Variants in DHX37 observed in about 807,000 individuals in gnomAD.
DHX37 encodes DEAH-box helicase 37.
In DHX37, 52 loss-of-function variants were observed where a neutral mutation model predicts 134.3. The ratio of observed to expected loss-of-function variants is 0.39; its 90% confidence interval spans 0.31 to 0.49. DHX37 has a LOEUF of 0.49. Among genes scored for constraint, DHX37 ranks in the 20% least tolerant of loss-of-function variants. The probability of loss-of-function intolerance (pLI) is 0.93; values close to 1 mark genes in which losing one functional copy is unlikely to be tolerated. For missense variants in DHX37, 1,344 were observed against 1,580.8 expected (o/e 0.85, Z 2.54); for synonymous variants, 634 against 670.7 (o/e 0.95, Z 0.85).
rs1487833808 is a variant in DHX37 at position 124,980,660 on chromosome 12, C to T, written c.568G>A (p.Ala190Thr). 3 of 1,602,194 alleles carry T rather than the reference C, an allele frequency of 1.9e-6. No homozygotes were observed. The highest frequency in any genetic ancestry group is 2.6e-6 in the Non-Finnish European group (3 of 1,176,400). The part of the protein sequence containing the change: ...DEDPAAEPAE[A>T]GVGTTVAPLP... ...GGTGCCACGGTGGTCCCCACACCAGCCTCAGCCGGCTCAGCAGCTGGGTCC... is the reference window on the plus strand; with the variant it reads ...GGTGCCACGGTGGTCCCCACACCAGTCTCAGCCGGCTCAGCAGCTGGGTCC... The change falls in exon 4 of 27, where the codon GCT becomes ACT. Residue 190 changes from alanine to threonine, a missense_variant. Transcript: ENST00000308736. The surrounding 1 kb of genome is among the most constrained non-coding windows in gnomAD (Gnocchi z 5.3).
chr12:124,957,473 G>A (rs529828579), intron 16 of DHX37, among the ~76,000 whole-genome samples: 2 of 152,344 alleles, frequency 1.3e-5, no homozygotes, highest in South Asian at 4.1e-4. Context: ...AGGGGCCACA[G>A]GTAGTCAGTG....
At chr12:124,953,819 T>C (rs557850406) in intron 20 of DHX37, 61 bp downstream of exon 20, 5 of 1,585,126 alleles carry the variant, frequency 3.2e-6, no homozygotes, top group African/African-American at 2.7e-5. Context: ...TTTTTAAACA[T>C]TTCAAGTGCC....
At chr12:124,977,860 G>C (rs1430419687) in intron 4 of DHX37, among the ~76,000 whole-genome samples, 1 of 152,152 alleles carries the variant, frequency 6.6e-6, no homozygotes, top group African/African-American at 2.4e-5. Flanking sequence ...CCTCTCCTAG[G>C]TACATATTCC....
intron 3 of DHX37, among the ~76,000 whole-genome samples, chr12:124,981,902 T>C (rs571012732): frequency 7.3e-5 from 11 of 151,634 alleles, no homozygotes; most frequent in African/African-American, 2.7e-4. Flanking sequence ...GGCGGGCAGA[T>C]CACCCAAGGT....
rs1301456523 is a variant in DHX37, at chr12:124,980,516, G to A, written c.712C>T (p.Pro238Ser). The change falls in exon 4 of 27, where the codon CCC (proline) becomes TCC (serine). Residue 238 changes from proline (P) to serine (S), a missense_variant. By Grantham distance (74) the Pro-to-Ser change is moderately conservative. Around this residue, in one of 7 missense-constraint regions of DHX37, gnomAD observed 77 missense variants for 121.6 expected, o/e 0.63. Coordinates refer to ENST00000308736, the MANE Select transcript of DHX37 (RefSeq NM_032656.4). The surrounding 1 kb of genome is among the most constrained non-coding windows in gnomAD (Gnocchi z 5.3). ...RALAKPAVFI[P>S]VNRSPEMQEE... ...TGCATTTCCGGGGAGCGGTTCACGG[G>A]GATGAAGACGGCGGGCTTAGCCAGG... is the stretch of plus-strand genomic sequence containing the variant. 1.2e-6 allele frequency: 2 copies of A among 1,611,140 alleles called. No homozygotes were observed. Among genetic ancestry groups the A allele is most frequent in the Admixed American group, 1.7e-5 (1 of 59,212 alleles).
chr12:124,971,757 A>G (rs1954527903), intron 7 of DHX37, among the ~76,000 whole-genome samples: 1 of 152,160 alleles, frequency 6.6e-6, no homozygotes, highest in African/African-American at 2.4e-5. Context: ...GGCCCTGCCC[A>G]AGGGGACGTC....
chr12:124,955,401 T>C (rs1218595157), intron 18 of DHX37, among the ~76,000 whole-genome samples: 3 of 152,220 alleles, frequency 2.0e-5, no homozygotes, highest in African/African-American at 7.2e-5. Context: ...TTTCTGTTTC[T>C]CCAGAGAACC....
At chr12:124,947,932 C>T (rs372225823) in intron 26 of DHX37, 45 bp from the exon 27 acceptor site, 1 of 1,611,010 alleles carries the variant, frequency 6.2e-7, no homozygotes, top group African/African-American at 1.3e-5. Context: ...ACCCTGGGCC[C>T]AGGGACTCTC....
At chr12:124,965,581 C>G in intron 13 of DHX37, 87 bp downstream of exon 13, 1 of 1,464,040 alleles carries the variant, frequency 6.8e-7, no homozygotes, top group South Asian at 1.6e-5. Context: ...GCTAGAACCC[C>G]GGCCCCCGGG....
chr12:124,968,634 C>T lies in DHX37; in HGVS notation c.1308G>A (p.Gln436=). The stretch of plus-strand genomic sequence containing the variant: ...TGTTGAAATGCACAGTCACTGGGAA[C>T]TGCCTGGATTCCACCTGTGGGACGC... ...PPPVIKVESR[Q]FPVTVHFNKR... The change falls in exon 10 of 27, where the codon CAG becomes CAA. Residue 436 remains glutamine, a synonymous_variant. Transcript: ENST00000308736. 6.2e-7 allele frequency: 1 copy of T among 1,614,134 alleles called. No homozygotes were observed. Among genetic ancestry groups the T allele is most frequent in the South Asian group, 1.1e-5 (1 of 91,092 alleles).
chr12:124,964,824 A>T (rs919757417), intron 14 of DHX37, 106 bp downstream of exon 14: 18 of 1,439,516 alleles, frequency 1.3e-5, no homozygotes, highest in Non-Finnish European at 1.5e-5. Context: ...AACTCTGGGG[A>T]TGCTGATCAA....
intron 15 of DHX37, among the ~76,000 whole-genome samples, chr12:124,962,839 A>G (rs71458878): frequency 0.22 from 32,966 of 151,910 alleles, 4,305 homozygotes; most frequent in East Asian, 0.57. Flanking sequence ...TCCATCTCAA[A>G]AAAAAAAAAA....
rs143890296 is a variant in DHX37, at chr12:124,986,256, G to A, written c.116C>T (p.Thr39Met). 13 of 1,613,626 alleles carry A rather than the reference G, an allele frequency of 8.1e-6. No homozygotes were observed. The highest frequency in any genetic ancestry group is 6.6e-5 in the South Asian group (6 of 91,048). ...GTTGCTTGCATCAACTCCCTTCAAC[G>A]TGTCCTTGTCTGAGAGAGCACAGTT... ...PVQLELEDKD[T>M]LKGVDASNAL... Residue 39 changes from threonine (T) to methionine (M), a missense_variant, in exon 2 of 27, where the codon ACG (threonine) becomes ATG (methionine). Around this residue, in one of 7 missense-constraint regions of DHX37, gnomAD observed 319 missense variants for 296.1 expected, o/e 1.08. Coordinates refer to ENST00000308736, the MANE Select transcript of DHX37 (RefSeq NM_032656.4).
intron 9 of DHX37, 102 bp from the exon 10 acceptor site, chr12:124,968,750 C>T: frequency 6.3e-7 from 1 of 1,598,446 alleles, no homozygotes; most frequent in South Asian, 1.1e-5. Flanking sequence ...TTTCTAACAC[C>T]CCCTCCAAGC....
At chr12:124,967,082 A>C in intron 11 of DHX37, 41 bp downstream of exon 11, 1 of 1,604,304 alleles carries the variant, frequency 6.2e-7, no homozygotes. Flanking sequence ...GGCCAAGCCC[A>C]GCTGCTCAGG....
chr12:124,950,499 C>T lies in DHX37; in HGVS notation c.3035G>A (p.Cys1012Tyr), dbSNP rs1468888576. The T allele has an allele frequency of 1.9e-6, 3 of 1,569,886 alleles. No individual in the cohort carries two copies. The highest frequency in any genetic ancestry group is 1.7e-6 in the Non-Finnish European group (2 of 1,158,668). ...QWIPALLPSY[C>Y]QFDKPLEEPA... Reference sequence around the variant, plus strand: ...TTCCTCCAGGGGCTTGTCAAACTGGCAGTAAGAGGGCAGCAGGGCCGGGAT... The same window carrying T: ...TTCCTCCAGGGGCTTGTCAAACTGGTAGTAAGAGGGCAGCAGGGCCGGGAT... Residue 1012 changes from cysteine (C) to tyrosine (Y), a missense_variant, in exon 23 of 27, where the codon TGC becomes TAC. Coordinates refer to ENST00000308736, the MANE Select transcript of DHX37 (RefSeq NM_032656.4).
At chr12:124,979,722 A>T (rs1043977036) in intron 4 of DHX37, among the ~76,000 whole-genome samples, 3 of 152,214 alleles carry the variant, frequency 2.0e-5, no homozygotes, top group African/African-American at 7.2e-5. Context: ...CACGGGATGG[A>T]GGAGGCCAAG....
At chr12:124,985,463 A>G (rs1289558758) in intron 2 of DHX37, among the ~76,000 whole-genome samples, 1 of 151,800 alleles carries the variant, frequency 6.6e-6, no homozygotes, top group Non-Finnish European at 1.5e-5. Context: ...TTGGCTGGGC[A>G]TGGTGGTTCA....
In DHX37 at chr12:124,956,686, C is replaced by G. The variant is rs771384974; in HGVS notation, c.2453+5G>C. 4.5e-6 allele frequency: 7 copies of G among 1,546,194 alleles called. No individual in the cohort carries two copies. Among genetic ancestry groups the G allele is most frequent in the Non-Finnish European group, 6.1e-6 (7 of 1,139,404 alleles). On this transcript the variant is annotated splice_donor_5th_base_variant and intron_variant, in intron 18 of 26. Transcript: ENST00000308736. ...GCCCTGAGTGCCCAGCCGCCAACCT[C>G]GCACCTGTCCAGCTCCTCAAACAGC... is the stretch of plus-strand genomic sequence containing the variant.
Sources: allele counts gnomAD v4.1 joint callset (sites outside exome capture counted in the v4.1 genomes callset), GRCh38; gene constraint gnomAD v4.1.1; regional missense constraint gnomAD v4.1.1; non-coding constraint Gnocchi (gnomAD v3.1); transcripts MANE v1.5; gene names NCBI Gene and HGNC (gene_info 2026-07-23, HGNC 2026-07-21).